The following ZNF652 variants were observed in gnomAD, a reference collection of about 807,000 sequenced individuals.
The protein encoded by ZNF652 is zinc finger protein 652.
ZNF652 carries 16 observed loss-of-function variants against 45.2 expected under a neutral mutation model. The observed-to-expected ratio is 0.35, with a 90% CI of 0.24 to 0.54. The LOEUF (loss-of-function observed/expected upper bound fraction) is 0.54. Among genes scored for constraint, ZNF652 ranks in the 20% least tolerant of loss-of-function variants. The pLI is 0.91. For missense variants in ZNF652, 614 were observed against 765.6 expected, an observed-to-expected ratio of 0.80 and a Z score of 2.34; for synonymous variants, 250 against 260.6, an observed-to-expected ratio of 0.96 and a Z score of 0.39.
chr17:49,306,776 G>A (rs752438766), intron 5 of ZNF652, among the ~76,000 whole-genome samples: 8 of 151,924 alleles, frequency 5.3e-5, no homozygotes, highest in Non-Finnish European at 8.8e-5. Context: ...TTTTTGAGAC[G>A]GAGTTTTGCT....
chr17:49,326,241 T>TAAAA (rs56916451), intron 1 of ZNF652, among the ~76,000 whole-genome samples: 17 of 93,994 alleles, frequency 1.8e-4, no homozygotes, highest in South Asian at 7.6e-4. Flanking sequence ...ACCCCATCTC[T>TAAAA]AAAAAAAAAA....
intron 1 of ZNF652, among the ~76,000 whole-genome samples, chr17:49,342,834 G>A (rs1466531684): frequency 6.6e-6 from 1 of 151,972 alleles, no homozygotes; most frequent in Non-Finnish European, 1.5e-5. Context: ...AACATGAGCT[G>A]GGAAAGCTGA....
At chr17:49,337,866 A>G (rs1191033093) in intron 1 of ZNF652, among the ~76,000 whole-genome samples, 1 of 152,214 alleles carries the variant, frequency 6.6e-6, no homozygotes, top group African/African-American at 2.4e-5. Flanking sequence ...CCAAGAGGCT[A>G]ATATAAAGAG....
intron 1 of ZNF652, among the ~76,000 whole-genome samples, chr17:49,332,205 T>C (rs1320753754): frequency 1.3e-5 from 2 of 151,928 alleles, no homozygotes; most frequent in African/African-American, 4.8e-5. Flanking sequence ...CAGACTGAGG[T>C]TGCAGTGAGC....
At chr17:49,313,978 A>C (rs1406761276) in intron 2 of ZNF652, among the ~76,000 whole-genome samples, 7 of 35,918 alleles carry the variant, frequency 1.9e-4, no homozygotes, top group Non-Finnish European at 2.5e-4. Context: ...CATCTCAAAA[A>C]AAAAAAAAAA....
rs1055065448 is a variant in ZNF652 at position 49,291,832 on chromosome 17, C to T, written c.*6581G>A. ...AAGGTAATTAACACAACAAGAAACCCGTTACTGATTTCTGTAACATAAAAA... is the reference window on the plus strand; with the variant it reads ...AAGGTAATTAACACAACAAGAAACCTGTTACTGATTTCTGTAACATAAAAA... On this transcript the variant is annotated 3_prime_UTR_variant, in exon 6 of 6. Transcript: ENST00000430262. The T allele has an allele frequency of 3.9e-5, 6 of 152,188 alleles. No homozygotes were observed. Among genetic ancestry groups the T allele is most frequent in the East Asian group, 1.9e-4 (1 of 5,204 alleles). The allele number at this position is 152,188 out of a possible 1,614,324, so 9.4% of individuals were successfully genotyped here. A position where few individuals can be genotyped will look rare whatever the true frequency, so the allele number is the denominator to read the frequency against.
chr17:49,331,442 C>T (rs2070024073), intron 1 of ZNF652, among the ~76,000 whole-genome samples: 1 of 151,960 alleles, frequency 6.6e-6, no homozygotes, highest in Admixed American at 6.6e-5. Flanking sequence ...TTCTTAAACT[C>T]CTAAAGGTAA....
intron 1 of ZNF652, among the ~76,000 whole-genome samples, chr17:49,357,218 GAACCCA>G (rs1159103311): frequency 6.6e-6 from 1 of 151,730 alleles, no homozygotes; most frequent in Non-Finnish European, 1.5e-5. Context: ...AGAATTGCTT[GAACCCA>G]GGAGAAGGAG....
chr17:49,347,754 T>G (rs1199772573), intron 1 of ZNF652, among the ~76,000 whole-genome samples: 1 of 144,608 alleles, frequency 6.9e-6, no homozygotes, highest in Admixed American at 6.9e-5. Flanking sequence ...TTTTTTTTTT[T>G]TTTTTTTTTG....
intron 1 of ZNF652, among the ~76,000 whole-genome samples, chr17:49,347,740 G>GGTTTT (rs2070220659): frequency 2.5e-5 from 2 of 81,214 alleles, no homozygotes; most frequent in African/African-American, 9.5e-5. Flanking sequence ...CCTTGGTTTT[G>GGTTTT]TTTTTTTTTT....
rs983305359 is a variant in ZNF652, at chr17:49,297,538, T to TGTCAA, written c.*870_*874dup. 1.3e-5 allele frequency: 2 copies of TGTCAA among 152,590 alleles called. No homozygotes were observed. Among genetic ancestry groups the TGTCAA allele is most frequent in the African/African-American group, 4.8e-5 (2 of 41,442 alleles). The allele number at this position is 152,590 out of a possible 1,614,324, so 9.5% of individuals were successfully genotyped here. On this transcript the variant is annotated 3_prime_UTR_variant, in exon 6 of 6. Coordinates refer to ENST00000430262, the MANE Select transcript of ZNF652 (RefSeq NM_001145365.3). The stretch of plus-strand genomic sequence containing the variant: ...GCCTCTCTTGAGTGTTAAGCAGAGA[T>TGTCAA]GTCAAAACTACCAAGTATTTACGCC...
Position 49,293,674 on chromosome 17 carries a change from A to T in ZNF652, c.*4739T>A, listed in dbSNP as rs868119540. Among the ~76,000 whole-genome samples the T allele has an allele frequency of 6.8e-6, 1 of 146,776 alleles. No individual in the cohort carries two copies. Among genetic ancestry groups the T allele is most frequent in the African/African-American group, 2.6e-5 (1 of 38,352 alleles). On this transcript the variant is annotated 3_prime_UTR_variant, in exon 6 of 6. Coordinates refer to ENST00000430262, the MANE Select transcript of ZNF652 (RefSeq NM_001145365.3). The stretch of plus-strand genomic sequence containing the variant: ...CATTCCTAAAAAAAAAAAAAAAAAA[A>T]AAAAAAAAAAACTCTTAAGTAATTT...
Position 49,331,121 on chromosome 17 carries a change from C to CTTT in ZNF652, c.-258-13141_-258-13139dup, listed in dbSNP as rs1291833601. ...AAAAGAAAAGGGCTTATGAATGTGT[C>CTTT]TTTTTTTTTTTTTTTTTTGGGACGG... On this transcript the variant is annotated intron_variant, in intron 1 of 5. Coordinates refer to ENST00000430262, the MANE Select transcript of ZNF652 (RefSeq NM_001145365.3). Among the ~76,000 whole-genome samples the CTTT allele has an allele frequency of 5.2e-5, 6 of 115,726 alleles. 1 individual carries two copies. The highest frequency in any genetic ancestry group is 2.8e-4 in the South Asian group (1 of 3,620). 75.9% of individuals were successfully genotyped at this position (115,726 alleles called of 152,430 possible).
chr17:49,349,291 C>T (rs949890641), intron 1 of ZNF652, among the ~76,000 whole-genome samples: 6 of 152,024 alleles, frequency 3.9e-5, no homozygotes, highest in Admixed American at 2.0e-4. Flanking sequence ...GCCAGCTATT[C>T]GGGAGGCTGA....
At chr17:49,351,935 T>C (rs2070287035) in intron 1 of ZNF652, among the ~76,000 whole-genome samples, 1 of 151,992 alleles carries the variant, frequency 6.6e-6, no homozygotes, top group African/African-American at 2.4e-5. Context: ...TGCAGTGAGT[T>C]AGGATCACAC....
chr17:49,313,263 C>A (rs1203604498), intron 2 of ZNF652, among the ~76,000 whole-genome samples: 1 of 152,144 alleles, frequency 6.6e-6, no homozygotes, highest in Non-Finnish European at 1.5e-5. Flanking sequence ...TCAAGCGATT[C>A]TCCTGCCTCA....
chr17:49,309,425 T>C (rs1020000000), intron 5 of ZNF652, among the ~76,000 whole-genome samples: 7 of 149,710 alleles, frequency 4.7e-5, no homozygotes, highest in Non-Finnish European at 8.9e-5. Flanking sequence ...GGAGAATCAC[T>C]TGAACCCCGG....
Position 49,292,968 on chromosome 17 carries a change from G to A in ZNF652, c.*5445C>T, listed in dbSNP as rs962490457. Among the ~76,000 whole-genome samples the A allele has an allele frequency of 6.6e-6, 1 of 152,256 alleles. No homozygotes were observed. The highest frequency in any genetic ancestry group is 1.5e-5 in the Non-Finnish European group (1 of 68,002). On this transcript the variant is annotated 3_prime_UTR_variant, in exon 6 of 6. Transcript: ENST00000430262. ...AGAGGTAGGATTTAGATCAGGAAAA[G>A]AATGTTCCAGGATGCTGGCATTTTG...
intron 1 of ZNF652, among the ~76,000 whole-genome samples, chr17:49,325,213 CCTTCA>C (rs2069944264): frequency 6.6e-6 from 1 of 152,060 alleles, no homozygotes; most frequent in South Asian, 2.1e-4. Context: ...GTGACTCTTC[CCTTCA>C]CTTGACCACT....
Sources: gnomAD v4.1 joint callset for allele counts (sites outside exome capture counted in the v4.1 genomes callset) on GRCh38, gnomAD v4.1.1 for gene constraint, MANE v1.5 for transcripts, NCBI Gene and HGNC (gene_info 2026-07-23, HGNC 2026-07-21) for gene names.